Variants in KIF6 observed in about 807,000 individuals in gnomAD.
KIF6 encodes the protein kinesin family member 6.
Under a neutral mutation model 112.7 loss-of-function variants are expected in KIF6, and 106 were observed. The ratio of observed to expected loss-of-function variants is 0.94; its 90% confidence interval spans 0.80 to 1.11. KIF6 has a LOEUF of 1.11. Among genes scored for constraint, KIF6 ranks in the 50% least tolerant of loss-of-function variants. The pLI, the probability that KIF6 is intolerant of heterozygous loss-of-function variation, is 0.00. For synonymous variants in KIF6, 339 were observed against 339.9 expected (o/e 1.00, Z 0.03); for missense variants, 929 against 964.0 (o/e 0.96, Z 0.48).
In KIF6 at chr6:39,586,276, C is replaced by CTTGATGTA; in HGVS notation, c.974_975insTACATCAA (p.Glu325AspfsTer24). 1 of 1,614,180 alleles carries CTTGATGTA rather than the reference C, an allele frequency of 6.2e-7. No homozygotes were observed. The highest frequency in any genetic ancestry group is 8.5e-7 in the Non-Finnish European group (1 of 1,179,998). On this transcript the variant is annotated frameshift_variant, in exon 8 of 23. Coordinates refer to ENST00000287152, the MANE Select transcript of KIF6 (RefSeq NM_145027.6). LOFTEE classifies it high-confidence loss of function. Reference sequence around the variant, plus strand: ...GCCCACATACATCAAGATTCCTTTTCTCCAAGGAGAGTGTTGCAATCATAG... The same window carrying CTTGATGTA: ...GCCCACATACATCAAGATTCCTTTTCTTGATGTATCCAAGGAGAGTGTTGCAATCATAG...
chr6:39,500,112 G>A (rs746597565), intron 13 of KIF6, among the ~76,000 whole-genome samples: 14 of 152,190 alleles, frequency 9.2e-5, no homozygotes, highest in Non-Finnish European at 1.6e-4. Context: ...TAGAGAAAGG[G>A]CTTGGCGCTG....
rs1163413275 is a variant in KIF6, at chr6:39,378,894, A to G, written c.1861+6728T>C. Reference sequence around the variant, plus strand: ...GGCCATCAGAAAGCTGAGTACCCGGATCCTATTATCTTGGCCGCTCACATA... The same window carrying G: ...GGCCATCAGAAAGCTGAGTACCCGGGTCCTATTATCTTGGCCGCTCACATA... On this transcript the variant is annotated intron_variant, in intron 16 of 22. Transcript: ENST00000287152. This position sits in a 1 kb window ranked among gnomAD's most constrained non-coding sequence, Gnocchi z 5.0. Among the ~76,000 whole-genome samples, 1 of 152,142 alleles carries G rather than the reference A, an allele frequency of 6.6e-6. No individual in the cohort carries two copies. The highest frequency in any genetic ancestry group is 1.5e-5 in the Non-Finnish European group (1 of 68,028).
At chr6:39,661,339 G>A (rs1415028653) in intron 3 of KIF6, among the ~76,000 whole-genome samples, 2 of 152,126 alleles carry the variant, frequency 1.3e-5, no homozygotes, top group East Asian at 1.9e-4. Flanking sequence ...TATAGAAATA[G>A]TATATGTTCT....
chr6:39,508,316 T>C (rs1776560728), intron 13 of KIF6, among the ~76,000 whole-genome samples: 1 of 152,002 alleles, frequency 6.6e-6, no homozygotes, highest in South Asian at 2.1e-4. Context: ...AGGTGATTTC[T>C]GCATTTCCAG....
chr6:39,524,394 G>C (rs1354553248), intron 13 of KIF6, among the ~76,000 whole-genome samples: 2 of 152,074 alleles, frequency 1.3e-5, no homozygotes, highest in African/African-American at 4.8e-5. Context: ...GCTAAATTAG[G>C]GACTACGCTG....
intron 13 of KIF6, among the ~76,000 whole-genome samples, chr6:39,483,324 A>C (rs1289507099): frequency 6.6e-6 from 1 of 152,196 alleles, no homozygotes; most frequent in Admixed American, 6.5e-5. Context: ...TGGATGCACC[A>C]AGATTCTTTC....
intron 22 of KIF6, among the ~76,000 whole-genome samples, chr6:39,337,120 CTT>C (rs1762977778): frequency 8.0e-6 from 1 of 125,600 alleles, no homozygotes; most frequent in African/African-American, 3.0e-5. Context: ...CTCTTTCTTT[CTT>C]TCTTTCCTCC....
chr6:39,561,518 A>AT (rs1037896460), intron 10 of KIF6, among the ~76,000 whole-genome samples: 69 of 146,484 alleles, frequency 4.7e-4, no homozygotes, highest in African/African-American at 9.2e-4. Context: ...CGCCCGGTTA[A>AT]TTTTTTTTTT....
chr6:39,646,198 A>G (rs1157684831), intron 3 of KIF6, among the ~76,000 whole-genome samples: 2 of 151,654 alleles, frequency 1.3e-5, no homozygotes, highest in Admixed American at 6.6e-5. Context: ...AAGAATCTCA[A>G]GATACAATGT....
chr6:39,433,373 A>G (rs892032594), intron 13 of KIF6, among the ~76,000 whole-genome samples: 14 of 152,226 alleles, frequency 9.2e-5, no homozygotes, highest in Admixed American at 3.9e-4. Context: ...AGGTCCTACT[A>G]AGAAATTCGG....
intron 13 of KIF6, among the ~76,000 whole-genome samples, chr6:39,477,508 A>G (rs574256434): frequency 1.3e-5 from 2 of 152,344 alleles, no homozygotes; most frequent in East Asian, 3.9e-4. Context: ...TTCTCTGCAT[A>G]ATGGAATACT....
intron 13 of KIF6, among the ~76,000 whole-genome samples, chr6:39,518,525 A>G (rs2150521470): frequency 6.6e-6 from 1 of 152,376 alleles, no homozygotes; most frequent in South Asian, 2.1e-4. Flanking sequence ...CGATTGAGCA[A>G]CATAGGACTT....
chr6:39,451,824 G>A (rs1581886895), intron 13 of KIF6, among the ~76,000 whole-genome samples: 1 of 152,196 alleles, frequency 6.6e-6, no homozygotes, highest in South Asian at 2.1e-4. Context: ...AATACTTACT[G>A]TGTCTGGCAC....
At chr6:39,443,966 G>A (rs907627284) in intron 13 of KIF6, among the ~76,000 whole-genome samples, 1 of 152,214 alleles carries the variant, frequency 6.6e-6, no homozygotes, top group Non-Finnish European at 1.5e-5. Context: ...GACAGGCACT[G>A]TTCCATATTT....
intron 13 of KIF6, among the ~76,000 whole-genome samples, chr6:39,504,678 A>C (rs1487638368): frequency 1.3e-5 from 2 of 152,200 alleles, no homozygotes; most frequent in African/African-American, 4.8e-5. Flanking sequence ...AATGTCCAAA[A>C]ATTGCTAGTA....
chr6:39,555,379 C>T (rs1244776211), intron 10 of KIF6, among the ~76,000 whole-genome samples: 1 of 152,108 alleles, frequency 6.6e-6, no homozygotes, highest in South Asian at 2.1e-4. Context: ...GCCAGCATCA[C>T]CCCAGTGTCT....
chr6:39,639,698 G>A lies in KIF6; in HGVS notation c.311C>T (p.Thr104Ile), dbSNP rs1784809092. ...FAYGQTGSGK[T>I]FTITGGAERY... is the part of the protein sequence containing the mutation. ...CTCTGCACCCCCTGTGATAGTGAATGTCTTCCCGCTGCCTGTTTGCCCATA... is the reference window on the plus strand; with the variant it reads ...CTCTGCACCCCCTGTGATAGTGAATATCTTCCCGCTGCCTGTTTGCCCATA... Residue 104 changes from threonine to isoleucine, a missense_variant, in exon 4 of 23, where the codon ACA (threonine) becomes ATA (isoleucine). By Grantham distance (89) the Thr-to-Ile change is moderately conservative (BLOSUM62 -1). Transcript: ENST00000287152. 5 of 1,612,230 alleles carry A rather than the reference G, an allele frequency of 3.1e-6. No homozygotes were observed. The highest frequency in any genetic ancestry group is 4.2e-6 in the Non-Finnish European group (5 of 1,179,018).
At chr6:39,585,952 G>A (rs1781601686) in intron 8 of KIF6, among the ~76,000 whole-genome samples, 2 of 152,190 alleles carry the variant, frequency 1.3e-5, no homozygotes, top group Admixed American at 6.5e-5. Context: ...AAGCGGATGG[G>A]TCAGCTCTCC....
chr6:39,408,006 T>C (rs769814184), intron 15 of KIF6, among the ~76,000 whole-genome samples: 2 of 152,158 alleles, frequency 1.3e-5, no homozygotes, highest in African/African-American at 4.8e-5. Flanking sequence ...GAAGAAAACA[T>C]CTGCTACGTA....
Sources: allele counts gnomAD v4.1 joint callset (sites outside exome capture counted in the v4.1 genomes callset), GRCh38; gene constraint gnomAD v4.1.1; non-coding constraint Gnocchi (gnomAD v3.1); transcripts MANE v1.5; gene names NCBI Gene and HGNC (gene_info 2026-07-23, HGNC 2026-07-21).